The following KLHL15 variants were observed in gnomAD, a reference collection of about 807,000 sequenced individuals.
The protein encoded by KLHL15 is kelch-like protein 15.
Under a neutral mutation model 29.3 loss-of-function variants are expected in KLHL15, and 1 was observed. The ratio of observed to expected loss-of-function variants is 0.03; its 90% CI spans 0.01 to 0.16. The LOEUF (loss-of-function observed/expected upper bound fraction) is 0.16, where lower values mean the gene tolerates loss of function less well. Among genes scored for constraint, KLHL15 ranks in the 10% least tolerant of loss-of-function variants. The pLI is 1.00. For missense variants in KLHL15, 215 were observed against 478.5 expected, an observed-to-expected ratio of 0.45 and a Z score of 5.14; for synonymous variants, 212 against 184.5, an observed-to-expected ratio of 1.15 and a Z score of -1.21.
chrX:23,994,843 TGATTATTTAATAAAATAGA>T (rs1929154059), intron 3 of KLHL15, among the ~76,000 whole-genome samples: 1 of 111,709 alleles, frequency 9.0e-6, no homozygotes, highest in Non-Finnish European at 1.9e-5. Context: ...TTTAATTTAC[TGATTATTTAATAAAATAGA>T]GATTGGGTCT....
At chrX:24,019,999 A>G (rs1455342448) in intron 2 of KLHL15, among the ~76,000 whole-genome samples, 1 of 112,233 alleles carries the variant, frequency 8.9e-6, no homozygotes, top group Non-Finnish European at 1.9e-5. Flanking sequence ...AAGGTATTCA[A>G]TGCAAAAGCT....
intron 3 of KLHL15, among the ~76,000 whole-genome samples, chrX:24,004,853 T>C (rs749813440): frequency 7.6e-4 from 84 of 110,188 alleles, no homozygotes; most frequent in Non-Finnish European, 1.3e-3. Flanking sequence ...TTCTGCCACA[T>C]CAATACATTG....
chrX:24,022,302 TC>T (rs1430707414), intron 2 of KLHL15, among the ~76,000 whole-genome samples: 1 of 96,712 alleles, frequency 1.0e-5, no homozygotes, highest in African/African-American at 4.0e-5. Flanking sequence ...GCCACTGCAC[TC>T]CGGCCTGGGA....
intron 2 of KLHL15, among the ~76,000 whole-genome samples, chrX:24,008,140 T>C (rs983005926): frequency 1.3e-4 from 15 of 112,247 alleles, no homozygotes; most frequent in African/African-American, 4.5e-4. Flanking sequence ...AATACAAATA[T>C]ATAATTTTAA....
chrX:24,006,472 T>C lies in KLHL15; in HGVS notation c.222A>G (p.Leu74=), dbSNP rs756503154. ...MRERDQDKIH[L]KGLTATGFSH... ...TGAAACCGGTAGCTGTTAGACCTTTTAAATGAATTTTGTCCTGATCTCGTT... is the reference window on the plus strand; with the variant it reads ...TGAAACCGGTAGCTGTTAGACCTTTCAAATGAATTTTGTCCTGATCTCGTT... The change falls in exon 3 of 4, where the codon TTA becomes TTG. Residue 74 remains leucine, a synonymous_variant. Coordinates refer to ENST00000328046, the MANE Select transcript of KLHL15 (RefSeq NM_030624.3). 46 of 1,209,509 alleles carry C rather than the reference T, an allele frequency of 3.8e-5. No homozygotes were observed. Among genetic ancestry groups the C allele is most frequent in the Non-Finnish European group, 5.1e-5 (46 of 894,941 alleles).
In KLHL15 at chrX:23,989,049, G is replaced by T. The variant is rs371103781; in HGVS notation, c.706-19C>A. The stretch of plus-strand genomic sequence containing the variant: ...TCTTAACCTAAGAACACAAGAAAAA[G>T]AATTTAACCAAAGGAAAAAGCATCA... On this transcript the variant is annotated intron_variant, in intron 3 of 3. Coordinates refer to ENST00000328046, the MANE Select transcript of KLHL15 (RefSeq NM_030624.3). 8.7e-7 allele frequency: 1 copy of T among 1,151,749 alleles called. No homozygotes were observed. Among genetic ancestry groups the T allele is most frequent in the Non-Finnish European group, 1.2e-6 (1 of 861,381 alleles). 94.9% of individuals were successfully genotyped at this position (1,151,749 alleles called of 1,213,427 possible).
At chrX:24,014,818 C>T (rs1929643453) in intron 2 of KLHL15, among the ~76,000 whole-genome samples, 1 of 111,915 alleles carries the variant, frequency 8.9e-6, no homozygotes, top group Non-Finnish European at 1.9e-5. Context: ...TCAAGATGAA[C>T]AGAAACTTAG....
intron 2 of KLHL15, among the ~76,000 whole-genome samples, chrX:24,017,496 CAG>C (rs772506917): frequency 1.8e-5 from 2 of 110,480 alleles, no homozygotes; most frequent in Admixed American, 9.8e-5. Context: ...TATAACAGAT[CAG>C]AGTCAGGCGC....
chrX:24,007,269 G>A (rs1422720079), intron 2 of KLHL15, among the ~76,000 whole-genome samples: 1 of 108,528 alleles, frequency 9.2e-6, no homozygotes, highest in Non-Finnish European at 1.9e-5. Context: ...GAAGTGGGTG[G>A]ATCACCTGAG....
intron 2 of KLHL15, among the ~76,000 whole-genome samples, chrX:24,007,092 G>A (rs1182753249): frequency 1.8e-5 from 2 of 110,877 alleles, no homozygotes; most frequent in African/African-American, 3.3e-5. Context: ...TTCTTCAGAG[G>A]CTGAGGTGGG....
chrX:24,014,356 G>A (rs1163284932), intron 2 of KLHL15, among the ~76,000 whole-genome samples: 1 of 111,347 alleles, frequency 9.0e-6, no homozygotes, highest in African/African-American at 3.3e-5. Context: ...CTGTTATTTT[G>A]ACAATGCCTA....
At chrX:24,008,124 T>A (rs1929492392) in intron 2 of KLHL15, among the ~76,000 whole-genome samples, 1 of 112,210 alleles carries the variant, frequency 8.9e-6, no homozygotes, top group African/African-American at 3.2e-5. Flanking sequence ...TGCTTATATA[T>A]TTAAAAATAC....
chrX:24,002,026 G>A (rs369955715), intron 3 of KLHL15, among the ~76,000 whole-genome samples: 21 of 108,280 alleles, frequency 1.9e-4, no homozygotes, highest in Admixed American at 1.2e-3. Context: ...CCAGCTACTC[G>A]GGAGGCTGAG....
chrX:24,006,363 C>T lies in KLHL15; in HGVS notation c.331G>A (p.Val111Ile). 1 of 1,211,115 alleles carries T rather than the reference C, an allele frequency of 8.3e-7. No homozygotes were observed. The highest frequency in any genetic ancestry group is 1.1e-6 in the Non-Finnish European group (1 of 894,791). The change falls in exon 3 of 4, where the codon GTT becomes ATT. Residue 111 changes from valine (V) to isoleucine (I), a missense_variant. By Grantham distance (29) the Val-to-Ile change is conservative. Coordinates refer to ENST00000328046, the MANE Select transcript of KLHL15 (RefSeq NM_030624.3). Reference sequence around the variant, plus strand: ...AACTTCACCACTTCTATAAGTTGAACATACATGGCAGCCTGAAGAATCTCA... The same window carrying T: ...AACTTCACCACTTCTATAAGTTGAATATACATGGCAGCCTGAAGAATCTCA... ...VHEILQAAMY[V>I]QLIEVVKFCC...
intron 3 of KLHL15, among the ~76,000 whole-genome samples, chrX:23,998,773 G>GTAC (rs1437068447): frequency 1.8e-5 from 2 of 112,117 alleles, no homozygotes; most frequent in African/African-American, 6.5e-5. Context: ...TTAACTCATA[G>GTAC]TACTTCCCCT....
intron 2 of KLHL15, among the ~76,000 whole-genome samples, chrX:24,020,244 C>T (rs779882316): frequency 4.0e-4 from 45 of 112,135 alleles, no homozygotes; most frequent in Non-Finnish European, 7.1e-4. Flanking sequence ...GTAAATTTGA[C>T]AATCTCAAAG....
intron 2 of KLHL15, among the ~76,000 whole-genome samples, chrX:24,015,299 T>A (rs7887644): frequency 0.41 from 45,747 of 111,035 alleles, 7,715 homozygotes; most frequent in South Asian, 0.77. Flanking sequence ...ATTTTGTAAA[T>A]ATGCAACACA....
intron 2 of KLHL15, among the ~76,000 whole-genome samples, chrX:24,008,436 G>A (rs148575205): frequency 0.095 from 10,592 of 111,359 alleles, 565 homozygotes; most frequent in African/African-American, 0.21. Context: ...GACAGGTTTC[G>A]CCATGTTGGC....
At chrX:24,026,452 G>C (rs1929935463) in intron 1 of KLHL15, among the ~76,000 whole-genome samples, 1 of 111,452 alleles carries the variant, frequency 9.0e-6, no homozygotes, top group Admixed American at 9.6e-5. Flanking sequence ...TCTCTTTCTG[G>C]GAAAAGTGTA....
Sources: allele counts gnomAD v4.1 joint callset (sites outside exome capture counted in the v4.1 genomes callset), GRCh38; gene constraint gnomAD v4.1.1; transcripts MANE v1.5; gene names NCBI Gene and HGNC (gene_info 2026-07-23, HGNC 2026-07-21).